Variants in KSR1 observed in about 807,000 individuals in gnomAD.
KSR1 encodes kinase suppressor of ras 1.
In KSR1, 35 loss-of-function variants were observed where a neutral mutation model predicts 92.9. The ratio of observed to expected loss-of-function variants is 0.38; its 90% CI spans 0.29 to 0.50. The LOEUF (loss-of-function observed/expected upper bound fraction) is 0.50, where lower values mean the gene tolerates loss of function less well. Ranked by LOEUF, KSR1 falls within the 20% of genes least tolerant of loss-of-function variation. KSR1 has a pLI of 0.94. For synonymous variants in KSR1, 467 were observed against 472.6 expected (o/e 0.99, Z 0.15); for missense variants, 972 against 1,158.5 (o/e 0.84, Z 2.34).
chr17:27,586,292 G>A (rs1397551623), intron 5 of KSR1, among the ~76,000 whole-genome samples: 4 of 152,208 alleles, frequency 2.6e-5, no homozygotes, highest in South Asian at 2.1e-4. Flanking sequence ...GAGTCAGAGC[G>A]GAGGGAGACA....
rs2069120358 is a variant in KSR1, at chr17:27,500,022, C to T, written c.231+43148C>T. Among the ~76,000 whole-genome samples, 2 of 152,180 alleles carry T rather than the reference C, an allele frequency of 1.3e-5. 1 individual carries two copies. Among genetic ancestry groups the T allele is most frequent in the South Asian group, 4.1e-4 (2 of 4,834 alleles). ...GTGCTGCTGTCATCTTGAGAGTGGA[C>T]TCGTGTCAGATGGGAGAAGGCACCT... On this transcript the variant is annotated intron_variant, in intron 1 of 20. Coordinates refer to ENST00000644974, the MANE Select transcript of KSR1 (RefSeq NM_001394583.1).
chr17:27,553,021 G>A (rs181720559), intron 2 of KSR1, among the ~76,000 whole-genome samples: 32 of 152,284 alleles, frequency 2.1e-4, no homozygotes, highest in Admixed American at 7.2e-4. Context: ...GAGTAGAGCC[G>A]GGTGCCCCTC....
chr17:27,476,287 T>C (rs2068342121), intron 1 of KSR1, among the ~76,000 whole-genome samples: 1 of 152,232 alleles, frequency 6.6e-6, no homozygotes, highest in Non-Finnish European at 1.5e-5. Flanking sequence ...CCAGGTTCTC[T>C]GCAGGGCGCT....
chr17:27,620,568 G>T lies in KSR1; in HGVS notation c.2628-625G>T, dbSNP rs1454542164. Among the ~76,000 whole-genome samples, 19 of 152,200 alleles carry T rather than the reference G, an allele frequency of 1.2e-4. 1 individual carries two copies. Among genetic ancestry groups the T allele is most frequent in the Non-Finnish European group, 2.9e-5 (2 of 68,044 alleles). On this transcript the variant is annotated intron_variant, in intron 19 of 20. Transcript: ENST00000644974. The stretch of plus-strand genomic sequence containing the variant: ...TGATAAAGCCCAGATGGGGGCCTCT[G>T]CATCCACCTGGGGGACAGGAGGAAG...
intron 7 of KSR1, among the ~76,000 whole-genome samples, chr17:27,591,293 GA>G (rs1360308945): frequency 2.0e-5 from 3 of 152,174 alleles, no homozygotes; most frequent in Non-Finnish European, 4.4e-5. Flanking sequence ...AGAGGGTACA[GA>G]TTCTGTACAA....
chr17:27,472,631 C>T (rs527407741), intron 1 of KSR1, among the ~76,000 whole-genome samples: 10 of 152,258 alleles, frequency 6.6e-5, no homozygotes, highest in South Asian at 2.1e-4. Context: ...GGTCAAACCC[C>T]GTCTCTACTA....
chr17:27,571,315 T>C (rs2072296702), intron 2 of KSR1, among the ~76,000 whole-genome samples: 1 of 152,240 alleles, frequency 6.6e-6, no homozygotes, highest in Non-Finnish European at 1.5e-5. Context: ...CCAGAATATC[T>C]GACTGTTACT....
chr17:27,506,158 A>G (rs758144913), intron 1 of KSR1, among the ~76,000 whole-genome samples: 1 of 152,180 alleles, frequency 6.6e-6, no homozygotes. Flanking sequence ...CTCTGCCCCA[A>G]AAACACCACG....
At chr17:27,517,998 C>T (rs539778857) in intron 1 of KSR1, among the ~76,000 whole-genome samples, 1 of 152,176 alleles carries the variant, frequency 6.6e-6, no homozygotes, top group Non-Finnish European at 1.5e-5. Flanking sequence ...TGCTGTATGC[C>T]ACCACATGAG....
At chr17:27,476,838 G>A (rs778952468) in intron 1 of KSR1, among the ~76,000 whole-genome samples, 2 of 152,182 alleles carry the variant, frequency 1.3e-5, no homozygotes, top group African/African-American at 2.4e-5. Flanking sequence ...AAGGGGTCCC[G>A]ATCCAGACCC....
chr17:27,503,505 C>G (rs546660019), intron 1 of KSR1, among the ~76,000 whole-genome samples: 1 of 152,312 alleles, frequency 6.6e-6, no homozygotes, highest in South Asian at 2.1e-4. Context: ...TCGAGATTCT[C>G]TGATCTAAAG....
intron 17 of KSR1, 189 bp from the exon 18 acceptor site, chr17:27,611,305 C>T: frequency 1.6e-6 from 1 of 639,712 alleles, no homozygotes; most frequent in East Asian, 2.8e-5. Context: ...CCAACGAGAG[C>T]ACAGGGCCCA....
In KSR1 at chr17:27,559,454, T is replaced by C. The variant is rs1000185867; in HGVS notation, c.372+8746T>C. ...CATTCAGTGTGGCAGCCCTTAGCCA[T>C]ATGTGGCTTGGGGACACTTGAAATG... On this transcript the variant is annotated intron_variant, in intron 2 of 20. Coordinates refer to ENST00000644974, the MANE Select transcript of KSR1 (RefSeq NM_001394583.1). This position sits in a 1 kb window ranked among gnomAD's most constrained non-coding sequence, Gnocchi z 4.2. Among the ~76,000 whole-genome samples, 1 of 152,256 alleles carries C rather than the reference T, an allele frequency of 6.6e-6. No individual in the cohort carries two copies. The highest frequency in any genetic ancestry group is 1.5e-5 in the Non-Finnish European group (1 of 68,048).
chr17:27,622,105 T>G, intron 20 of KSR1: 1 of 668,234 alleles, frequency 1.5e-6, no homozygotes, highest in Admixed American at 2.4e-5. Flanking sequence ...TTTTAAAAAC[T>G]GGCCCTCTGC....
intron 1 of KSR1, among the ~76,000 whole-genome samples, chr17:27,505,902 C>G (rs1385292664): frequency 2.0e-5 from 3 of 152,212 alleles, no homozygotes; most frequent in African/African-American, 7.2e-5. Flanking sequence ...AGCCCACCCA[C>G]TATGGGGGAG....
chr17:27,482,483 G>A (rs750985965), intron 1 of KSR1, among the ~76,000 whole-genome samples: 1 of 152,172 alleles, frequency 6.6e-6, no homozygotes, highest in Non-Finnish European at 1.5e-5. Context: ...CGGCACTGGA[G>A]ATTTGTGTTA....
intron 20 of KSR1, 99 bp downstream of exon 20, chr17:27,621,372 T>C (rs1410242093): frequency 5.0e-6 from 2 of 396,962 alleles, no homozygotes; most frequent in Non-Finnish European, 8.9e-6. Context: ...TCTCCCATCT[T>C]TGTGTCATTT....
intron 1 of KSR1, among the ~76,000 whole-genome samples, chr17:27,508,709 T>TTTTTTTTTATTTATTTA (rs1555572323): frequency 5.1e-5 from 7 of 138,272 alleles, no homozygotes; most frequent in African/African-American, 1.9e-4. Context: ...CCTGAATTTT[T>TTTTTTTTTATTTATTTA]TTTATTTATT....
intron 1 of KSR1, among the ~76,000 whole-genome samples, chr17:27,517,161 C>T (rs747949953): frequency 1.1e-4 from 16 of 152,164 alleles, no homozygotes; most frequent in Admixed American, 2.0e-4. Context: ...ATCCTAGCAC[C>T]TTTTAAAGGT....
Sources: allele counts gnomAD v4.1 joint callset (sites outside exome capture counted in the v4.1 genomes callset), GRCh38; gene constraint gnomAD v4.1.1; non-coding constraint Gnocchi (gnomAD v3.1); transcripts MANE v1.5; gene names NCBI Gene and HGNC (gene_info 2026-07-23, HGNC 2026-07-21).